The following LRRC7 variants were observed in gnomAD, a reference collection of about 807,000 sequenced individuals.
The protein encoded by LRRC7 is leucine rich repeat containing 7, also known as leucine-rich repeat-containing protein 7.
A neutral mutation model predicts 175.7 loss-of-function variants in LRRC7; 23 were observed. The ratio of observed to expected loss-of-function variants is 0.13; its 90% CI spans 0.09 to 0.19. The LOEUF is 0.19. Among genes scored for constraint, LRRC7 ranks in the 10% least tolerant of loss-of-function variants. LRRC7 has a pLI of 1.00. For missense variants in LRRC7, 1,354 were observed against 1,904.7 expected, an observed-to-expected ratio of 0.71 and a Z score of 5.38; for synonymous variants, 685 against 680.9, an observed-to-expected ratio of 1.01 and a Z score of -0.09.
At chr1:70,090,757 C>G (rs1488413531) in intron 25 of LRRC7, among the ~76,000 whole-genome samples, 1 of 152,076 alleles carries the variant, frequency 6.6e-6, no homozygotes, top group African/African-American at 2.4e-5. Flanking sequence ...GGTCCATATC[C>G]TCTCAACTCA....
At chr1:69,920,064 T>A (rs1371102197) in intron 7 of LRRC7, 3 of 317,784 alleles carry the variant, frequency 9.4e-6, no homozygotes, top group Non-Finnish European at 1.7e-5. Flanking sequence ...ATTAAGGAGT[T>A]GACTTCAGCA....
chr1:69,699,278 A>T (rs887162985), intron 2 of LRRC7, among the ~76,000 whole-genome samples: 6 of 152,220 alleles, frequency 3.9e-5, no homozygotes, highest in Admixed American at 1.3e-4. Flanking sequence ...GTGGTGGCTC[A>T]CGCCTGTAAT....
At chr1:69,712,644 G>A (rs1664900781) in intron 2 of LRRC7, among the ~76,000 whole-genome samples, 1 of 151,752 alleles carries the variant, frequency 6.6e-6, no homozygotes, top group Admixed American at 6.6e-5. Context: ...GAACCATTAG[G>A]GCTAGTATTC....
intron 1 of LRRC7, among the ~76,000 whole-genome samples, chr1:69,639,610 A>G (rs1206590286): frequency 6.6e-6 from 1 of 151,818 alleles, no homozygotes; most frequent in Admixed American, 6.6e-5. Flanking sequence ...TCTCTGGCCC[A>G]TGGCATTGTT....
chr1:69,850,934 A>G (rs1001128685), intron 7 of LRRC7, among the ~76,000 whole-genome samples: 6 of 152,134 alleles, frequency 3.9e-5, no homozygotes, highest in Admixed American at 3.9e-4. Flanking sequence ...GAGGGAGAGA[A>G]CACAAATAGA....
At chr1:69,653,429 C>T (rs1021161998) in intron 1 of LRRC7, among the ~76,000 whole-genome samples, 9 of 151,884 alleles carry the variant, frequency 5.9e-5, no homozygotes, top group African/African-American at 2.2e-4. Flanking sequence ...TGAGGTATCA[C>T]CTCTTATCTG....
chr1:69,904,914 A>G (rs1172662172), intron 7 of LRRC7, among the ~76,000 whole-genome samples: 1 of 152,178 alleles, frequency 6.6e-6, no homozygotes, highest in Non-Finnish European at 1.5e-5. Context: ...AACTGAGAAT[A>G]TGCGGTATTT....
At chr1:69,798,253 T>C (rs922838760) in intron 4 of LRRC7, among the ~76,000 whole-genome samples, 3 of 152,148 alleles carry the variant, frequency 2.0e-5, no homozygotes, top group African/African-American at 7.2e-5. Context: ...GCCTAGATAC[T>C]GAAGAGCTTC....
chr1:69,750,818 C>T (rs1052472397), intron 2 of LRRC7, among the ~76,000 whole-genome samples: 5 of 152,118 alleles, frequency 3.3e-5, no homozygotes, highest in Non-Finnish European at 5.9e-5. Flanking sequence ...TTCATGAGGG[C>T]GGGGTCTTCA....
At chr1:69,701,193 G>A (rs1473494769) in intron 2 of LRRC7, among the ~76,000 whole-genome samples, 1 of 151,912 alleles carries the variant, frequency 6.6e-6, no homozygotes, top group Admixed American at 6.6e-5. Context: ...TACATATAAG[G>A]TACTAAAAAG....
intron 7 of LRRC7, among the ~76,000 whole-genome samples, chr1:69,893,133 T>C (rs760188900): frequency 8.5e-5 from 13 of 152,178 alleles, no homozygotes; most frequent in African/African-American, 2.4e-4. Context: ...CAATGGGAGA[T>C]TGAAGAAATA....
chr1:69,667,580 A>G lies in LRRC7; in HGVS notation c.3-10801A>G, dbSNP rs72938944. On this transcript the variant is annotated intron_variant, in intron 1 of 26. Transcript: ENST00000651989. ...AGTGACTTTTGTCTATTCTTATACTATTCATCCTGAAATATATTTTGTCTG... is the reference window on the plus strand; with the variant it reads ...AGTGACTTTTGTCTATTCTTATACTGTTCATCCTGAAATATATTTTGTCTG... 6.5e-3 allele frequency among the ~76,000 whole-genome samples: 992 copies of G among 152,242 alleles called. 5 individuals carry two copies. The highest frequency in any genetic ancestry group is 0.023 in the African/African-American group (939 of 41,552).
intron 2 of LRRC7, among the ~76,000 whole-genome samples, chr1:69,704,192 C>A (rs1663735832): frequency 1.3e-5 from 2 of 151,960 alleles, no homozygotes; most frequent in South Asian, 4.2e-4. Context: ...TTATAAAAGA[C>A]TTTTTTCACT....
At chr1:69,855,157 C>T (rs1360022010) in intron 7 of LRRC7, among the ~76,000 whole-genome samples, 1 of 152,112 alleles carries the variant, frequency 6.6e-6, no homozygotes, top group East Asian at 1.9e-4. Flanking sequence ...CAGAGGTTCT[C>T]ACTAGTGTAG....
chr1:69,661,426 A>G (rs985051638), intron 1 of LRRC7, among the ~76,000 whole-genome samples: 4 of 152,200 alleles, frequency 2.6e-5, no homozygotes, highest in African/African-American at 9.6e-5. Flanking sequence ...AATTATAACC[A>G]TGAGTGTGAT....
At chr1:69,983,589 C>T (rs1012721619) in intron 9 of LRRC7, among the ~76,000 whole-genome samples, 1 of 152,196 alleles carries the variant, frequency 6.6e-6, no homozygotes, top group Non-Finnish European at 1.5e-5. Flanking sequence ...TCCCAGAGAC[C>T]TCCATCCAAT....
intron 8 of LRRC7, among the ~76,000 whole-genome samples, chr1:69,977,396 T>G (rs961188100): frequency 2.0e-5 from 3 of 152,198 alleles, no homozygotes; most frequent in African/African-American, 7.2e-5. Flanking sequence ...TTTGAGTTTC[T>G]TGAGGGCAGA....
chr1:70,090,560 A>T (rs181651037), intron 25 of LRRC7, among the ~76,000 whole-genome samples: 200 of 152,204 alleles, frequency 1.3e-3, no homozygotes, highest in Non-Finnish European at 1.3e-3. Flanking sequence ...CCCTGCTACC[A>T]TCAGTGTTTA....
chr1:69,899,064 G>A (rs1646060171), intron 7 of LRRC7, among the ~76,000 whole-genome samples: 1 of 152,148 alleles, frequency 6.6e-6, no homozygotes, highest in Non-Finnish European at 1.5e-5. Flanking sequence ...TTTGGCTATT[G>A]GAGATTTTAG....
Sources: allele counts gnomAD v4.1 joint callset (sites outside exome capture counted in the v4.1 genomes callset), GRCh38; gene constraint gnomAD v4.1.1; transcripts MANE v1.5; gene names NCBI Gene and HGNC (gene_info 2026-07-23, HGNC 2026-07-21).